Variants in GUCY1A2 observed in about 807,000 individuals in gnomAD.
GUCY1A2 encodes the protein guanylate cyclase 1 soluble subunit alpha 2, also known as guanylate cyclase soluble subunit alpha-2.
In GUCY1A2, 27 loss-of-function variants were observed where a neutral mutation model predicts 63.5. The observed-to-expected ratio is 0.43, with a 90% CI of 0.31 to 0.59. The LOEUF is 0.59. Ranked by LOEUF, GUCY1A2 falls within the 20% of genes least tolerant of loss-of-function variation. The pLI is 0.11. For synonymous variants in GUCY1A2, 364 were observed against 343.5 expected, an observed-to-expected ratio of 1.06 and a Z score of -0.66; for missense variants, 768 against 913.3, an observed-to-expected ratio of 0.84 and a Z score of 2.05.
intron 3 of GUCY1A2, among the ~76,000 whole-genome samples, chr11:106,950,538 A>T (rs1860891708): frequency 6.6e-6 from 1 of 152,166 alleles, no homozygotes; most frequent in Non-Finnish European, 1.5e-5. Context: ...AAGTATTCTC[A>T]TCACTTCTCA....
intron 5 of GUCY1A2, among the ~76,000 whole-genome samples, chr11:106,776,958 AT>A (rs989708714): frequency 1.9e-4 from 29 of 152,132 alleles, no homozygotes; most frequent in Non-Finnish European, 3.8e-4. Flanking sequence ...TTTGGAAAGC[AT>A]TTTTTTCCCA....
chr11:106,843,590 G>A (rs1459895225), intron 4 of GUCY1A2, among the ~76,000 whole-genome samples: 1 of 151,616 alleles, frequency 6.6e-6, no homozygotes, highest in Non-Finnish European at 1.5e-5. Flanking sequence ...TAAAAGTGGA[G>A]GAAAGAAAGT....
intron 6 of GUCY1A2, among the ~76,000 whole-genome samples, chr11:106,730,719 T>C (rs1863488339): frequency 6.6e-6 from 1 of 152,154 alleles, no homozygotes; most frequent in Non-Finnish European, 1.5e-5. Context: ...CTGAACTAAT[T>C]TACATTCCCA....
At chr11:106,816,167 TA>T (rs60263721) in intron 4 of GUCY1A2, among the ~76,000 whole-genome samples, 42,149 of 91,964 alleles carry the variant, frequency 0.46, 8,465 homozygotes, top group Middle Eastern at 0.54. Context: ...ACTCTTTCTT[TA>T]AAAAAAAAAA....
chr11:107,006,803 C>G (rs1861677124), intron 1 of GUCY1A2, among the ~76,000 whole-genome samples: 1 of 152,208 alleles, frequency 6.6e-6, no homozygotes, highest in South Asian at 2.1e-4. Context: ...CTGAAACACA[C>G]AGGTGAACCT....
chr11:106,968,242 T>C (rs1861150704), intron 3 of GUCY1A2, among the ~76,000 whole-genome samples: 1 of 152,198 alleles, frequency 6.6e-6, no homozygotes, highest in South Asian at 2.1e-4. Context: ...CTGGGTATCA[T>C]GTCTATAGGC....
intron 4 of GUCY1A2, among the ~76,000 whole-genome samples, chr11:106,882,595 C>G (rs1336701233): frequency 6.6e-6 from 1 of 152,030 alleles, no homozygotes; most frequent in African/African-American, 2.4e-5. Flanking sequence ...AAAGCACTCT[C>G]CCAGGACTTT....
intron 6 of GUCY1A2, among the ~76,000 whole-genome samples, chr11:106,727,426 C>A (rs1165981074): frequency 6.6e-6 from 1 of 152,180 alleles, no homozygotes; most frequent in East Asian, 1.9e-4. Context: ...TGGCATTTTT[C>A]CACATCTGCA....
rs540156181 is a variant in GUCY1A2, at chr11:106,705,062, TAAAACTC to T, written c.1991+3443_1991+3449del. On this transcript the variant is annotated intron_variant, in intron 7 of 7. Coordinates refer to ENST00000526355, the MANE Select transcript of GUCY1A2 (RefSeq NM_000855.3). The stretch of plus-strand genomic sequence containing the variant: ...ATGAAAATGTCTAATTTGGAAAACT[TAAAACTC>T]AATAAAAATTTCTTTTTTGTAATGT... Among the ~76,000 whole-genome samples the T allele has an allele frequency of 1.7e-3, 257 of 152,112 alleles. 2 individuals are homozygous for T. The highest frequency in any genetic ancestry group is 0.014 in the Middle Eastern group (4 of 292).
intron 3 of GUCY1A2, among the ~76,000 whole-genome samples, chr11:106,958,092 G>A (rs1861013731): frequency 6.6e-6 from 1 of 152,042 alleles, no homozygotes; most frequent in Admixed American, 6.6e-5. Flanking sequence ...TAGCATCACA[G>A]CATTTTTACA....
At chr11:106,750,234 A>T (rs758008617) in intron 6 of GUCY1A2, among the ~76,000 whole-genome samples, 8 of 152,044 alleles carry the variant, frequency 5.3e-5, no homozygotes, top group Non-Finnish European at 8.8e-5. Flanking sequence ...GGCAAAAGAA[A>T]AAGAGCCGGC....
chr11:106,907,140 C>G (rs1018267437), intron 4 of GUCY1A2, among the ~76,000 whole-genome samples: 7 of 152,026 alleles, frequency 4.6e-5, no homozygotes, highest in Non-Finnish European at 8.8e-5. Flanking sequence ...ACACCAACTC[C>G]ATTTCTGAGC....
chr11:106,747,594 A>G lies in GUCY1A2; in HGVS notation c.1836+28845T>C, dbSNP rs576827224. ...CAGTAGCTGGCAAAAGGCACATGAC[A>G]TTCTGGGTTTTTGCATTTTTTCCCT... On this transcript the variant is annotated intron_variant, in intron 6 of 7. Coordinates refer to ENST00000526355, the MANE Select transcript of GUCY1A2 (RefSeq NM_000855.3). 2.6e-4 allele frequency among the ~76,000 whole-genome samples: 39 copies of G among 152,342 alleles called. 3 individuals are homozygous for G. In the South Asian group the frequency reaches 7.2e-3, roughly 28 times the overall value.
At chr11:106,877,319 T>C (rs768204757) in intron 4 of GUCY1A2, among the ~76,000 whole-genome samples, 1 of 151,960 alleles carries the variant, frequency 6.6e-6, no homozygotes, top group Admixed American at 6.6e-5. Context: ...TATTTCTCTC[T>C]CTTGCCTGAT....
intron 4 of GUCY1A2, among the ~76,000 whole-genome samples, chr11:106,842,802 C>T (rs1412615553): frequency 1.3e-5 from 2 of 151,882 alleles, no homozygotes; most frequent in Non-Finnish European, 2.9e-5. Context: ...CCCACTGGAG[C>T]TTGTGATTCT....
chr11:106,969,745 A>G (rs1028257149), intron 3 of GUCY1A2, among the ~76,000 whole-genome samples: 1 of 152,108 alleles, frequency 6.6e-6, no homozygotes, highest in Non-Finnish European at 1.5e-5. Context: ...AAAAAGCAAT[A>G]ATAACAATTA....
In GUCY1A2 at chr11:106,810,305, C is replaced by T. The variant is rs1858746451; in HGVS notation, c.1380G>A (p.Lys460=). ...RDVILVGEQA[K]AQDGLKKRMD... is the part of the protein sequence containing the mutation. ...TCCTTTTCTTCAACCCATCTTGGGC[C>T]TTTGCCTGCTCACCAACCAAAATGA... The change falls in exon 5 of 8, where the codon AAG becomes AAA. Residue 460 remains lysine, a synonymous_variant. Coordinates refer to ENST00000526355, the MANE Select transcript of GUCY1A2 (RefSeq NM_000855.3). 6.2e-7 allele frequency: 1 copy of T among 1,613,890 alleles called. No homozygotes were observed.
chr11:106,894,517 G>A (rs1591317188), intron 4 of GUCY1A2, among the ~76,000 whole-genome samples: 1 of 152,138 alleles, frequency 6.6e-6, no homozygotes, highest in South Asian at 2.1e-4. Context: ...AAGTTCACAT[G>A]GAATGTTCAC....
chr11:106,745,850 G>T (rs577914690), intron 6 of GUCY1A2, among the ~76,000 whole-genome samples: 33 of 152,264 alleles, frequency 2.2e-4, no homozygotes, highest in Non-Finnish European at 3.1e-4. Context: ...ACAGCCAGAG[G>T]GATATATTTT....
Sources: allele counts gnomAD v4.1 joint callset (sites outside exome capture counted in the v4.1 genomes callset), GRCh38; gene constraint gnomAD v4.1.1; transcripts MANE v1.5; gene names NCBI Gene and HGNC (gene_info 2026-07-23, HGNC 2026-07-21).